The following GLT8D2 variants were observed in gnomAD, a reference collection of about 807,000 sequenced individuals.
GLT8D2 encodes the protein glycosyltransferase 8 domain-containing protein 2.
A neutral mutation model predicts 44.5 loss-of-function variants in GLT8D2; 45 were observed. The ratio of observed to expected loss-of-function variants is 1.01; its 90% confidence interval spans 0.80 to 1.30. The LOEUF is 1.30. GLT8D2 is among the 50% of genes most tolerant of loss of function. The probability of loss-of-function intolerance (pLI) is 0.00; values close to 1 mark genes in which losing one functional copy is unlikely to be tolerated. For synonymous variants in GLT8D2, 156 were observed against 157.2 expected (o/e 0.99, Z 0.06); for missense variants, 400 against 430.4 (o/e 0.93, Z 0.62).
chr12:103,993,146 C>A (rs760593184), intron 10 of GLT8D2, among the ~76,000 whole-genome samples: 1 of 152,126 alleles, frequency 6.6e-6, no homozygotes, highest in African/African-American at 2.4e-5. Context: ...GCCTGGCCAA[C>A]ATGGTGAAAC....
At chr12:104,001,096 T>A (rs1325974276) in intron 5 of GLT8D2, among the ~76,000 whole-genome samples, 1 of 152,214 alleles carries the variant, frequency 6.6e-6, no homozygotes, top group Non-Finnish European at 1.5e-5. Context: ...CATGTACATG[T>A]ACACACTTAC....
intron 3 of GLT8D2, among the ~76,000 whole-genome samples, chr12:104,018,747 T>C (rs939101733): frequency 3.3e-5 from 5 of 152,168 alleles, no homozygotes; most frequent in African/African-American, 1.2e-4. Flanking sequence ...GTATGTCTCA[T>C]GCAATATTTG....
At chr12:103,993,539 G>A in intron 9 of GLT8D2, 35 bp from the exon 10 acceptor site, 1 of 1,392,796 alleles carries the variant, frequency 7.2e-7, no homozygotes, top group South Asian at 1.4e-5. Flanking sequence ...CATTTGGCCT[G>A]GAGCCCCCAC....
At chr12:104,016,215 G>A (rs1876562560) in intron 3 of GLT8D2, among the ~76,000 whole-genome samples, 1 of 152,174 alleles carries the variant, frequency 6.6e-6, no homozygotes, top group Admixed American at 6.6e-5. Flanking sequence ...CTAGCTGTGG[G>A]TCTGCCGTAT....
chr12:104,038,421 T>C (rs998003196), intron 1 of GLT8D2, among the ~76,000 whole-genome samples: 3 of 152,198 alleles, frequency 2.0e-5, no homozygotes, highest in Admixed American at 6.5e-5. Flanking sequence ...ATAATCTCCT[T>C]AAGCTGATAA....
At position 103,997,439 on chromosome 12, in the gene GLT8D2, T is replaced by C; in HGVS notation, c.487+12A>G. 1.3e-6 allele frequency: 2 copies of C among 1,586,356 alleles called. No homozygotes were observed. The highest frequency in any genetic ancestry group is 2.2e-5 in the East Asian group (1 of 44,750). ...TTCTTTTCCAAGTGTTCTTGGCAGT[T>C]AGCGAGAGTACCTTGTACAATTACA... is the stretch of plus-strand genomic sequence containing the variant. On this transcript the variant is annotated intron_variant, in intron 7 of 10. Transcript: ENST00000360814.
chr12:104,015,476 T>C, intron 3 of GLT8D2, among the ~76,000 whole-genome samples: 1 of 150,410 alleles, frequency 6.6e-6, no homozygotes, highest in African/African-American at 2.5e-5. Flanking sequence ...TAGTCTCAGC[T>C]ACTAAGGAGG....
intron 1 of GLT8D2, among the ~76,000 whole-genome samples, chr12:104,026,694 T>C (rs1346891103): frequency 6.6e-6 from 1 of 152,224 alleles, no homozygotes; most frequent in African/African-American, 2.4e-5. Context: ...TTAAATATTG[T>C]CACATTTTTA....
At chr12:104,034,132 A>G (rs1361739760) in intron 1 of GLT8D2, among the ~76,000 whole-genome samples, 1 of 152,274 alleles carries the variant, frequency 6.6e-6, no homozygotes, top group Non-Finnish European at 1.5e-5. Flanking sequence ...TTACAAGAAC[A>G]TGCTTACTTC....
intron 10 of GLT8D2, 149 bp from the exon 11 acceptor site, chr12:103,989,726 A>G: frequency 1.6e-6 from 1 of 644,828 alleles, no homozygotes; most frequent in South Asian, 2.1e-5. Flanking sequence ...TCTCCAAATC[A>G]ACCACTGTTA....
At chr12:104,002,810 T>C (rs1046850931) in intron 5 of GLT8D2, among the ~76,000 whole-genome samples, 1 of 151,924 alleles carries the variant, frequency 6.6e-6, no homozygotes, top group Non-Finnish European at 1.5e-5. Flanking sequence ...CTGGGTGTGG[T>C]AGCATGCACT....
intron 10 of GLT8D2, among the ~76,000 whole-genome samples, chr12:103,993,152 G>A (rs181200698): frequency 1.1e-4 from 16 of 152,280 alleles, no homozygotes; most frequent in African/African-American, 3.6e-4. Flanking sequence ...CCAACATGGT[G>A]AAACCCCATC....
intron 4 of GLT8D2, among the ~76,000 whole-genome samples, chr12:104,007,467 T>C (rs1345031875): frequency 6.6e-6 from 1 of 152,188 alleles, no homozygotes; most frequent in East Asian, 1.9e-4. Flanking sequence ...CTATGTCTTT[T>C]CTACCAGCTT....
chr12:104,055,046 G>C (rs145879252), upstream of GLT8D2, among the ~76,000 whole-genome samples: 1 of 152,270 alleles, frequency 6.6e-6, no homozygotes, highest in Non-Finnish European at 1.5e-5. Context: ...GCAATAGCAG[G>C]GAGTTATTAC....
chr12:103,995,930 G>A (rs1343695968), intron 8 of GLT8D2, among the ~76,000 whole-genome samples: 2 of 152,046 alleles, frequency 1.3e-5, no homozygotes, highest in South Asian at 4.1e-4. Flanking sequence ...TAATTCTCAC[G>A]ATAACTACAA....
chr12:104,047,609 T>G (rs926439542), intron 1 of GLT8D2, among the ~76,000 whole-genome samples: 1 of 152,110 alleles, frequency 6.6e-6, no homozygotes, highest in African/African-American at 2.4e-5. Flanking sequence ...CCCAGCCTCT[T>G]AGGCCTATTT....
chr12:104,054,325 G>A (rs1186863344), upstream of GLT8D2, among the ~76,000 whole-genome samples: 8 of 151,872 alleles, frequency 5.3e-5, no homozygotes, highest in Non-Finnish European at 8.8e-5. Context: ...TTTCATCCAC[G>A]TTGTCAAAAA....
At chr12:104,057,741 G>T (rs75419771) in intron 1 of GLT8D2, among the ~76,000 whole-genome samples, 4,999 of 152,218 alleles carry the variant, frequency 0.033, 282 homozygotes, top group African/African-American at 0.12. Context: ...TGCATATCAT[G>T]TTTACAGAAC....
intron 1 of GLT8D2, among the ~76,000 whole-genome samples, chr12:104,043,185 T>C (rs1880747150): frequency 6.6e-6 from 1 of 152,190 alleles, no homozygotes; most frequent in South Asian, 2.1e-4. Context: ...ACCTCCTGAA[T>C]ATCTAAATGT....
Sources: allele counts gnomAD v4.1 joint callset (sites outside exome capture counted in the v4.1 genomes callset), GRCh38; gene constraint gnomAD v4.1.1; transcripts MANE v1.5; gene names NCBI Gene and HGNC (gene_info 2026-07-23, HGNC 2026-07-21).